Variants in RAP1GAP observed in about 807,000 individuals in gnomAD.
RAP1GAP encodes the protein rap1 GTPase-activating protein 1.
In RAP1GAP, 35 loss-of-function variants were observed where a neutral mutation model predicts 87.2. That is an observed-to-expected ratio of 0.40 (90% CI 0.31 to 0.53). RAP1GAP has a LOEUF of 0.53. RAP1GAP is among the 20% of genes least tolerant of loss of function. The pLI is 0.48. For missense variants in RAP1GAP, 734 were observed against 898.9 expected, an observed-to-expected ratio of 0.82 and a Z score of 2.35; for synonymous variants, 375 against 363.9, an observed-to-expected ratio of 1.03 and a Z score of -0.35.
At chr1:21,654,188 C>T (rs3767126) in intron 1 of RAP1GAP, among the ~76,000 whole-genome samples, 23,947 of 152,116 alleles carry the variant, frequency 0.16, 2,016 homozygotes, top group South Asian at 0.21. Flanking sequence ...CCTTTGGTGA[C>T]GGCTGAATTT....
chr1:21,598,332 G>A, intron 22 of RAP1GAP, 68 bp downstream of exon 22: 1 of 1,393,606 alleles, frequency 7.2e-7, no homozygotes, highest in South Asian at 1.2e-5. Flanking sequence ...GGGAACTGGT[G>A]CCCAGCCCTG....
At chr1:21,667,225 A>T (rs2097392821) in intron 1 of RAP1GAP, among the ~76,000 whole-genome samples, 1 of 152,184 alleles carries the variant, frequency 6.6e-6, no homozygotes, top group Non-Finnish European at 1.5e-5. Flanking sequence ...AGAATTTGAC[A>T]GCAGGGCAGG....
Position 21,652,435 on chromosome 1 carries a change from G to A in RAP1GAP, c.-148-2639C>T, listed in dbSNP as rs1173480680. Among the ~76,000 whole-genome samples the A allele has an allele frequency of 2.6e-5, 4 of 152,280 alleles. No homozygotes were observed. The East Asian group carries it at 7.8e-4, about 30-fold the overall frequency. On this transcript the variant is annotated intron_variant, in intron 1 of 24. Coordinates refer to ENST00000374765, the MANE Select transcript of RAP1GAP (RefSeq NM_002885.4). The stretch of plus-strand genomic sequence containing the variant: ...ATGCCGGGTACAAGAGTTCCGCAGG[G>A]GGACAGCGTTCTACCCTTCCCGCGA...
At position 21,609,599 on chromosome 1, in the gene RAP1GAP, G is replaced by C; in HGVS notation, c.1047C>G (p.Leu349=). 1 of 1,580,350 alleles carries C rather than the reference G, an allele frequency of 6.3e-7. No individual in the cohort carries two copies. The change falls in exon 15 of 25, where the codon CTC becomes CTG. Residue 349 remains leucine (L), a synonymous_variant. Transcript: ENST00000374765. The surrounding 1 kb of genome is among the most constrained non-coding windows in gnomAD (Gnocchi z 4.4). The part of the protein sequence containing the change: ...RDDVPFFGPP[L]PDPAVFRKGP... The stretch of plus-strand genomic sequence containing the variant: ...CCTTCCTGAACACAGCGGGGTCCGG[G>C]AGGGGGGGTCCAAAGAAGGGCACAT...
Position 21,609,574 on chromosome 1 carries a change from C to A in RAP1GAP, c.1071+1G>T, listed in dbSNP as rs1346608611. The A allele has an allele frequency of 4.5e-6, 7 of 1,538,626 alleles. No individual in the cohort carries two copies. The highest frequency in any genetic ancestry group is 8.8e-7 in the Non-Finnish European group (1 of 1,140,926). On this transcript the variant is annotated splice_donor_variant, in intron 15 of 24. Transcript: ENST00000374765. LOFTEE classifies it high-confidence loss of function. The surrounding 1 kb of genome is among the most constrained non-coding windows in gnomAD (Gnocchi z 4.4). ...CCCATGACTGGGGGGGTGCCCCTCA[C>A]CTTCCTGAACACAGCGGGGTCCGGG...
At chr1:21,597,464 C>T (rs962150532) in intron 24 of RAP1GAP, among the ~76,000 whole-genome samples, 200 bp from the exon 25 acceptor site, 1 of 152,224 alleles carries the variant, frequency 6.6e-6, no homozygotes, top group Non-Finnish European at 1.5e-5. Context: ...TGCCAAGTCC[C>T]TTTCACACTC....
At chr1:21,612,932 C>T (rs922145379) in intron 10 of RAP1GAP, 1 of 552,314 alleles carries the variant, frequency 1.8e-6, no homozygotes, top group Non-Finnish European at 3.3e-6. Flanking sequence ...GATGTGAGGC[C>T]AGCCTCTAAG....
At chr1:21,624,843 GCTCT>G (rs10594675) in intron 3 of RAP1GAP, among the ~76,000 whole-genome samples, 1,664 of 151,342 alleles carry the variant, frequency 0.011, 37 homozygotes, top group African/African-American at 0.038. Context: ...GCTATGGGCT[GCTCT>G]CTCTCTCTCT....
rs2080198517 is a variant in RAP1GAP at position 21,613,973 on chromosome 1, C to T, written c.395+13G>A. 6.3e-7 allele frequency: 1 copy of T among 1,577,290 alleles called. No individual in the cohort carries two copies. The highest frequency in any genetic ancestry group is 2.2e-5 in the East Asian group (1 of 44,452). Reference sequence around the variant, plus strand: ...CCCTTCCTGCCATCTCAGGACTCCCCCACCACCCTCACCTGAGCAGCAGCC... The same window carrying T: ...CCCTTCCTGCCATCTCAGGACTCCCTCACCACCCTCACCTGAGCAGCAGCC... On this transcript the variant is annotated intron_variant, in intron 8 of 24. Transcript: ENST00000374765. The surrounding 1 kb of genome is among the most constrained non-coding windows in gnomAD (Gnocchi z 4.7).
In RAP1GAP at chr1:21,598,629, G is replaced by A. The variant is rs372823051; in HGVS notation, c.1777-127C>T. ...CACCCGTACCCTCTGCGAGGAGGAC[G>A]GGCCTAGCCATGTCTGCCCCAGGGA... On this transcript the variant is annotated intron_variant, in intron 21 of 24. Coordinates refer to ENST00000374765, the MANE Select transcript of RAP1GAP (RefSeq NM_002885.4). The A allele has an allele frequency of 1.4e-3, 1,038 of 767,590 alleles. 15 individuals carry two copies. The South Asian group carries it at 0.017, about 12-fold the overall frequency. The allele number at this position is 767,590 out of a possible 1,614,324, so 47.5% of individuals were successfully genotyped here. A position where few individuals can be genotyped will look rare whatever the true frequency, so the allele number is the denominator to read the frequency against.
chr1:21,652,967 G>T (rs2096679823), intron 1 of RAP1GAP, among the ~76,000 whole-genome samples: 1 of 152,188 alleles, frequency 6.6e-6, no homozygotes, highest in Non-Finnish European at 1.5e-5. Context: ...AGATGCAGCC[G>T]GGGATGAGGG....
At chr1:21,624,054 A>G (rs2090551966) in intron 3 of RAP1GAP, among the ~76,000 whole-genome samples, 2 of 152,180 alleles carry the variant, frequency 1.3e-5, no homozygotes, top group African/African-American at 2.4e-5. Context: ...GTCTCTGAAT[A>G]TATTTACAGA....
rs1468140833 is a variant in RAP1GAP at position 21,598,059 on chromosome 1, A to G, written c.1885T>C (p.Ser629Pro). 3.7e-5 allele frequency: 37 copies of G among 992,768 alleles called. No homozygotes were observed. The highest frequency in any genetic ancestry group is 5.2e-5 in the Non-Finnish European group (36 of 686,046). The allele number at this position is 992,768 out of a possible 1,614,324, so 61.5% of individuals were successfully genotyped here. The change falls in exon 23 of 25, where the codon TCT (serine) becomes CCT (proline). Residue 629 changes from serine to proline, a missense_variant. Around this residue, in one of 2 missense-constraint regions of RAP1GAP, gnomAD observed 249 missense variants for 252.7 expected, o/e 0.99. Coordinates refer to ENST00000374765, the MANE Select transcript of RAP1GAP (RefSeq NM_002885.4). ...CCGGCGTCTGGGTGGGGTGATCGAGAGGGGCCTGGGGAGGGGGGCAGGAGG... is the reference window on the plus strand; with the variant it reads ...CCGGCGTCTGGGTGGGGTGATCGAGGGGGGCCTGGGGAGGGGGGCAGGAGG... ...TTSGGSSPGP[S>P]RSPHPDAGKL...
intron 17 of RAP1GAP, among the ~76,000 whole-genome samples, chr1:21,606,885 G>C (rs574063074): frequency 6.6e-6 from 1 of 152,142 alleles, no homozygotes; most frequent in African/African-American, 2.4e-5. Flanking sequence ...CCTAATCTAG[G>C]TCCACCGTCC....
intron 2 of RAP1GAP, among the ~76,000 whole-genome samples, chr1:21,646,182 A>C (rs541046260): frequency 1.3e-5 from 2 of 152,346 alleles, no homozygotes; most frequent in Admixed American, 1.3e-4. Flanking sequence ...GAAGTGCTCC[A>C]TATATGGGAG....
intron 1 of RAP1GAP, among the ~76,000 whole-genome samples, chr1:21,656,427 A>AC (rs1238917285): frequency 1.3e-5 from 2 of 149,644 alleles, no homozygotes; most frequent in African/African-American, 2.5e-5. Context: ...TAAAAAAAAA[A>AC]AAAAAAAAAA....
At chr1:21,614,201 G>T in intron 7 of RAP1GAP, 112 bp from the exon 8 acceptor site, 1 of 683,024 alleles carries the variant, frequency 1.5e-6, no homozygotes, top group Non-Finnish European at 2.5e-6. Flanking sequence ...CCGATAGCAG[G>T]TGTCACGGCT....
chr1:21,641,074 A>T (rs1051037801), intron 2 of RAP1GAP, among the ~76,000 whole-genome samples: 18 of 132,132 alleles, frequency 1.4e-4, no homozygotes, highest in Admixed American at 3.1e-4. Context: ...CGCCCAGCTA[A>T]TTTTTTTTTT....
At position 21,619,009 on chromosome 1, in the gene RAP1GAP, T is replaced by G. The variant is rs777495020; in HGVS notation, c.66+16A>C. 6.3e-7 allele frequency: 1 copy of G among 1,590,910 alleles called. No homozygotes were observed. Among genetic ancestry groups the G allele is most frequent in the Non-Finnish European group, 8.6e-7 (1 of 1,167,110 alleles). On this transcript the variant is annotated intron_variant, in intron 5 of 24. Coordinates refer to ENST00000374765, the MANE Select transcript of RAP1GAP (RefSeq NM_002885.4). Reference sequence around the variant, plus strand: ...CCACCCCCTAGAGAGGGAGGCAGACTGCCAGGCCCACCTACTTTGAGGGGC... The same window carrying G: ...CCACCCCCTAGAGAGGGAGGCAGACGGCCAGGCCCACCTACTTTGAGGGGC...
Sources: gnomAD v4.1 joint callset for allele counts (sites outside exome capture counted in the v4.1 genomes callset) on GRCh38, gnomAD v4.1.1 for gene constraint, gnomAD v4.1.1 regional missense constraint, Gnocchi (gnomAD v3.1) non-coding constraint, MANE v1.5 for transcripts, NCBI Gene and HGNC (gene_info 2026-07-23, HGNC 2026-07-21) for gene names.